EIF3H: variants seen among roughly 807,000 people sequenced by gnomAD.
EIF3H encodes eukaryotic translation initiation factor 3 subunit H.
A neutral mutation model predicts 44.2 loss-of-function variants in EIF3H; 26 were observed. That is an observed-to-expected ratio of 0.59 (90% CI 0.43 to 0.82). The LOEUF is 0.82. EIF3H is among the 40% of genes least tolerant of loss of function. The pLI, the probability that EIF3H is intolerant of heterozygous loss-of-function variation, is 0.00. For missense variants in EIF3H, 359 were observed against 432.8 expected, an observed-to-expected ratio of 0.83 and a Z score of 1.51; for synonymous variants, 166 against 151.9, an observed-to-expected ratio of 1.09 and a Z score of -0.68.
At chr8:116,691,553 T>C (rs181787605) in intron 2 of EIF3H, among the ~76,000 whole-genome samples, 1 of 141,360 alleles carries the variant, frequency 7.1e-6, no homozygotes, top group East Asian at 2.5e-4. Context: ...TCTATTTTAA[T>C]AGGAAAAAAA....
At chr8:116,737,382 G>A (rs1289936210) in intron 1 of EIF3H, 4 of 402,358 alleles carry the variant, frequency 9.9e-6, no homozygotes, top group East Asian at 7.1e-5. Flanking sequence ...AGGGCTGGGC[G>A]CAGTGGCTTG....
At chr8:116,660,340 T>C (rs1200634238) in intron 2 of EIF3H, among the ~76,000 whole-genome samples, 1 of 152,156 alleles carries the variant, frequency 6.6e-6, no homozygotes. Context: ...ACCACTATGG[T>C]TTTACAAAGC....
chr8:116,739,064 C>G lies in EIF3H; in HGVS notation c.133-12892G>C, dbSNP rs887168786. On this transcript the variant is annotated intron_variant, in intron 1 of 7. Transcript: ENST00000521861. ...GACATGCTCCTGATGGCCTTGACAC[C>G]CACACTGGAAGGCAGTCAGTTTACT... Among the ~76,000 whole-genome samples the G allele has an allele frequency of 3.9e-5, 6 of 152,140 alleles. No individual in the cohort carries two copies. In the South Asian group the frequency reaches 1.2e-3, roughly 32 times the overall value.
intron 2 of EIF3H, among the ~76,000 whole-genome samples, chr8:116,716,657 A>G (rs1353466876): frequency 6.6e-6 from 1 of 152,122 alleles, no homozygotes; most frequent in East Asian, 1.9e-4. Context: ...GTCAGACAGT[A>G]AATATTTCAG....
chr8:116,695,403 C>A (rs1423883900), intron 2 of EIF3H, among the ~76,000 whole-genome samples: 1 of 152,120 alleles, frequency 6.6e-6, no homozygotes, highest in African/African-American at 2.4e-5. Context: ...ACTTGGCACA[C>A]AGGTACATTT....
At chr8:116,711,063 GGT>G (rs1236949506) in intron 2 of EIF3H, among the ~76,000 whole-genome samples, 1 of 151,996 alleles carries the variant, frequency 6.6e-6, no homozygotes, top group African/African-American at 2.4e-5. Flanking sequence ...GAACTATAAT[GGT>G]ATATGTGTAC....
At chr8:116,753,187 G>C (rs1050833068) in intron 1 of EIF3H, among the ~76,000 whole-genome samples, 2 of 151,970 alleles carry the variant, frequency 1.3e-5, no homozygotes, top group African/African-American at 4.8e-5. Flanking sequence ...ATGACAGAAA[G>C]GCAGATGTCC....
intron 2 of EIF3H, among the ~76,000 whole-genome samples, chr8:116,682,066 G>C (rs976231149): frequency 1.3e-5 from 2 of 152,192 alleles, no homozygotes; most frequent in Admixed American, 6.5e-5. Context: ...AATGTCAATA[G>C]CTGTACTCAG....
At chr8:116,763,809 A>G (rs1738360274) in intron 1 of EIF3H, among the ~76,000 whole-genome samples, 1 of 152,256 alleles carries the variant, frequency 6.6e-6, no homozygotes, top group Admixed American at 6.5e-5. Flanking sequence ...TCTAACATTT[A>G]CGAAATTAAA....
intron 1 of EIF3H, among the ~76,000 whole-genome samples, chr8:116,762,503 G>C (rs1311527855): frequency 6.6e-6 from 1 of 152,198 alleles, no homozygotes; most frequent in Non-Finnish European, 1.5e-5. Context: ...GAAGGAAGGA[G>C]ATATAAAACA....
intron 2 of EIF3H, among the ~76,000 whole-genome samples, chr8:116,706,453 C>A (rs550239498): frequency 4.0e-4 from 61 of 152,290 alleles, no homozygotes; most frequent in Non-Finnish European, 6.9e-4. Context: ...TCCAAACACT[C>A]CATATAACCA....
At chr8:116,660,241 T>C (rs1193391343) in intron 2 of EIF3H, among the ~76,000 whole-genome samples, 1 of 152,242 alleles carries the variant, frequency 6.6e-6, no homozygotes, top group Non-Finnish European at 1.5e-5. Context: ...GTAAACGTAT[T>C]TGCTTAACTT....
intron 1 of EIF3H, among the ~76,000 whole-genome samples, chr8:116,747,614 A>AT (rs1451252436): frequency 1.3e-5 from 2 of 151,948 alleles, no homozygotes; most frequent in Non-Finnish European, 2.9e-5. Context: ...GGGTCATATA[A>AT]TTTTTTTTGT....
intron 2 of EIF3H, among the ~76,000 whole-genome samples, chr8:116,680,849 A>AT (rs1813975166): frequency 2.0e-5 from 3 of 151,512 alleles, no homozygotes; most frequent in Middle Eastern, 3.4e-3. Flanking sequence ...TAAATAAATA[A>AT]AAAAAAAGAA....
intron 1 of EIF3H, among the ~76,000 whole-genome samples, chr8:116,740,134 T>G (rs1452912613): frequency 6.6e-5 from 10 of 152,210 alleles, no homozygotes; most frequent in Admixed American, 6.5e-4. Flanking sequence ...CCTCATACTT[T>G]GAATAGCACT....
intron 1 of EIF3H, 91 bp from the exon 2 acceptor site, chr8:116,726,263 G>A (rs1814836456): frequency 3.6e-6 from 5 of 1,400,334 alleles, no homozygotes; most frequent in South Asian, 1.6e-5. Context: ...AACTGTACTA[G>A]GTTTGCAAAA....
At chr8:116,762,708 C>T (rs946906710) in intron 1 of EIF3H, among the ~76,000 whole-genome samples, 1 of 152,094 alleles carries the variant, frequency 6.6e-6, no homozygotes, top group South Asian at 2.1e-4. Flanking sequence ...CCAAGGTGAG[C>T]GGACCATTTG....
At position 116,723,598 on chromosome 8, in the gene EIF3H, G is replaced by T. The variant is rs375971727; in HGVS notation, c.289+2418C>A. On this transcript the variant is annotated intron_variant, in intron 2 of 7. Coordinates refer to ENST00000521861, the MANE Select transcript of EIF3H (RefSeq NM_003756.3). The stretch of plus-strand genomic sequence containing the variant: ...TTTCACTTTAGCAAGCATATACTTT[G>T]TGTTTATTATATGCTCAAGGTACTA... 5.9e-3 allele frequency among the ~76,000 whole-genome samples: 900 copies of T among 152,284 alleles called. 6 individuals carry two copies. Among genetic ancestry groups the T allele is most frequent in the African/African-American group, 0.02 (827 of 41,566 alleles).
chr8:116,741,673 C>T (rs1289814791), intron 1 of EIF3H, among the ~76,000 whole-genome samples: 2 of 152,226 alleles, frequency 1.3e-5, no homozygotes, highest in African/African-American at 2.4e-5. Context: ...GAATTTCTCA[C>T]ATCAATCACC....
Sources: allele counts gnomAD v4.1 joint callset (sites outside exome capture counted in the v4.1 genomes callset), GRCh38; gene constraint gnomAD v4.1.1; transcripts MANE v1.5; gene names NCBI Gene and HGNC (gene_info 2026-07-23, HGNC 2026-07-21).